AP5Z1: variants seen among roughly 807,000 people sequenced by gnomAD.
AP5Z1 encodes the protein AP-5 complex subunit zeta-1.
In AP5Z1, 106 loss-of-function variants were observed where a neutral mutation model predicts 83.0. The ratio of observed to expected loss-of-function variants is 1.28; its 90% CI spans 1.09 to 1.50. The LOEUF is 1.50. AP5Z1 is among the 40% of genes most tolerant of loss of function. The probability of loss-of-function intolerance (pLI) is 0.00; values close to 1 mark genes in which losing one functional copy is unlikely to be tolerated. For synonymous variants in AP5Z1, 751 were observed against 514.1 expected, an observed-to-expected ratio of 1.46 and a Z score of -6.23; for missense variants, 1,565 against 1,094.2, an observed-to-expected ratio of 1.43 and a Z score of -6.07.
chr7:4,776,792 A>AC (rs1352113817), intron 1 of AP5Z1, among the ~76,000 whole-genome samples: 1 of 152,048 alleles, frequency 6.6e-6, no homozygotes, highest in Non-Finnish European at 1.5e-5. Context: ...CCCTTGGTAA[A>AC]CGTAAACAAA....
chr7:4,780,138 C>T (rs1438827729), intron 1 of AP5Z1, among the ~76,000 whole-genome samples: 3 of 152,086 alleles, frequency 2.0e-5, no homozygotes, highest in Non-Finnish European at 4.4e-5. Context: ...AACCCCTTTG[C>T]GCATTATTGG....
intron 1 of AP5Z1, among the ~76,000 whole-genome samples, chr7:4,779,797 C>T (rs868184620): frequency 1.2e-4 from 18 of 151,162 alleles, no homozygotes; most frequent in African/African-American, 2.2e-4. Context: ...TGTGCCACCA[C>T]GCCCAGCTAT....
At chr7:4,788,985 A>C in intron 13 of AP5Z1, 34 bp downstream of exon 13, 2 of 1,580,242 alleles carry the variant, frequency 1.3e-6, no homozygotes, top group Non-Finnish European at 1.7e-6. Flanking sequence ...CCATTCCCAC[A>C]GGCCTCACAA....
chr7:4,787,408 C>T (rs531828609), intron 10 of AP5Z1, among the ~76,000 whole-genome samples: 2 of 152,088 alleles, frequency 1.3e-5, no homozygotes, highest in African/African-American at 4.8e-5. Context: ...ATCACTTGAG[C>T]CTGGGAGGTT....
chr7:4,790,007 C>CCCCCCCCT, intron 14 of AP5Z1, 78 bp downstream of exon 14: 1 of 1,142,444 alleles, frequency 8.8e-7, no homozygotes, highest in South Asian at 1.7e-5. Flanking sequence ...TCCCCCCTCC[C>CCCCCCCCT]CTTCAGTGGC....
chr7:4,791,072 G>C, intron 16 of AP5Z1, 43 bp from the exon 17 acceptor site: 1 of 1,525,720 alleles, frequency 6.6e-7, no homozygotes, highest in Non-Finnish European at 8.8e-7. Context: ...CCTGTCCTGG[G>C]AGGGGAGCAT....
At chr7:4,784,081 G>A in intron 5 of AP5Z1, 122 bp from the exon 6 acceptor site, 1 of 1,233,440 alleles carries the variant, frequency 8.1e-7, no homozygotes, top group Non-Finnish European at 1.1e-6. Context: ...ACACAGGGCG[G>A]GCCGCTGCCC....
Position 4,786,415 on chromosome 7 carries a change from C to T in AP5Z1, c.1298C>T (p.Pro433Leu), listed in dbSNP as rs768481273. 1.9e-6 allele frequency: 3 copies of T among 1,613,854 alleles called. No homozygotes were observed. Among genetic ancestry groups the T allele is most frequent in the Admixed American group, 1.7e-5 (1 of 60,022 alleles). ...GHLSTLRLSF[P>L]NLFKFLAWNS... ...CTCAGCACCCTCAGATTGAGCTTCCCCAACCTCTTTAAGGTATATTTGGGC... is the reference window on the plus strand; with the variant it reads ...CTCAGCACCCTCAGATTGAGCTTCCTCAACCTCTTTAAGGTATATTTGGGC... Residue 433 changes from proline (P) to leucine (L), a missense_variant, in exon 10 of 17, where the codon CCC becomes CTC. Coordinates refer to ENST00000649063, the MANE Select transcript of AP5Z1 (RefSeq NM_014855.3).
At position 4,784,193 on chromosome 7, in the gene AP5Z1, C is replaced by T. The variant is rs1368614242; in HGVS notation, c.622-10C>T. 6.3e-7 allele frequency: 1 copy of T among 1,583,480 alleles called. No individual in the cohort carries two copies. Among genetic ancestry groups the T allele is most frequent in the African/African-American group, 1.3e-5 (1 of 74,294 alleles). ...CCCCCTCCGCCCACTCCTGCCTGTCCTTCCCACAGCCGGGCCCCGTCACCG... is the reference window on the plus strand; with the variant it reads ...CCCCCTCCGCCCACTCCTGCCTGTCTTTCCCACAGCCGGGCCCCGTCACCG... On this transcript the variant is annotated splice_polypyrimidine_tract_variant and intron_variant, in intron 5 of 16. Transcript: ENST00000649063.
At chr7:4,778,222 C>G (rs186064772) in intron 1 of AP5Z1, among the ~76,000 whole-genome samples, 1 of 152,296 alleles carries the variant, frequency 6.6e-6, no homozygotes, top group East Asian at 1.9e-4. Context: ...GAGACCCTGT[C>G]TCCAAAGAAA....
chr7:4,775,862 C>T, intron 1 of AP5Z1, 106 bp downstream of exon 1: 1 of 1,460,250 alleles, frequency 6.8e-7, no homozygotes, highest in Non-Finnish European at 9.2e-7. Flanking sequence ...TTGCAGGAAC[C>T]CGACTGGACT....
intron 1 of AP5Z1, among the ~76,000 whole-genome samples, chr7:4,779,482 A>AT (rs146506607): frequency 4.7e-4 from 69 of 146,080 alleles, no homozygotes; most frequent in Admixed American, 1.6e-3. Flanking sequence ...ATATATATAT[A>AT]TTTTTTTTTG....
intron 1 of AP5Z1, 23 bp downstream of exon 1, chr7:4,775,779 G>A (rs778370233): frequency 1.5e-5 from 24 of 1,600,640 alleles, no homozygotes; most frequent in Non-Finnish European, 2.0e-5. Flanking sequence ...TGCGGCCCCG[G>A]CCCTCCTTCC....
chr7:4,791,066 T>A (rs1212678852), intron 16 of AP5Z1, 49 bp from the exon 17 acceptor site: 1 of 1,517,160 alleles, frequency 6.6e-7, no homozygotes, highest in African/African-American at 1.4e-5. Context: ...CAGACCCCTG[T>A]CCTGGGAGGG....
chr7:4,787,675 G>T lies in AP5Z1; in HGVS notation c.1353G>T (p.Val451=), dbSNP rs1328460796. Residue 451 remains valine (V), a synonymous_variant, in exon 11 of 17, where the codon GTG becomes GTT. Coordinates refer to ENST00000649063, the MANE Select transcript of AP5Z1 (RefSeq NM_014855.3). ...GCCCACCCCTCACCTCCGAGTTTGTGGCGCTCCTCCCGGCCCTGGTGGACG... is the reference window on the plus strand; with the variant it reads ...GCCCACCCCTCACCTCCGAGTTTGTTGCGCTCCTCCCGGCCCTGGTGGACG... ...WNSPPLTSEF[V]ALLPALVDAG... is the part of the protein sequence containing the mutation. The T allele has an allele frequency of 1.2e-5, 18 of 1,552,862 alleles. No homozygotes were observed. In the Admixed American group the frequency reaches 1.6e-4, roughly 13 times the overall value.
intron 1 of AP5Z1, among the ~76,000 whole-genome samples, chr7:4,776,056 G>A (rs1431128894): frequency 6.6e-6 from 1 of 152,198 alleles, no homozygotes. Context: ...AGAACTCCGC[G>A]TCTGGCAGGA....
intron 9 of AP5Z1, 117 bp downstream of exon 9, chr7:4,785,801 C>A (rs1226907033): frequency 5.4e-6 from 7 of 1,307,040 alleles, no homozygotes; most frequent in South Asian, 1.8e-5. Context: ...AGACAGGGGT[C>A]TTGCTGTGTT....
At position 4,785,470 on chromosome 7, in the gene AP5Z1, A is replaced by AGGGGAT. The variant is rs1562408169; in HGVS notation, c.969+22_969+27dup. ...AGAAAGCTGTAAGTGGCTGGGGACC[A>AGGGGAT]GGGGATGGGAGGCAGCGACTCGGCC... On this transcript the variant is annotated intron_variant, in intron 8 of 16. Transcript: ENST00000649063. 4 of 1,612,814 alleles carry AGGGGAT rather than the reference A, an allele frequency of 2.5e-6. No individual in the cohort carries two copies. The Admixed American group carries it at 6.7e-5, about 27-fold the overall frequency.
Position 4,792,155 on chromosome 7 carries a change from C to G in AP5Z1, c.*770C>G, listed in dbSNP as rs1166243320. The stretch of plus-strand genomic sequence containing the variant: ...AGGTGTCTGGGCGTGCGGCCCCAGC[C>G]CCGCCACCTTCCTGGGCCCTGTGGT... On this transcript the variant is annotated 3_prime_UTR_variant, in exon 17 of 17. Coordinates refer to ENST00000649063, the MANE Select transcript of AP5Z1 (RefSeq NM_014855.3). 2 of 152,230 alleles carry G rather than the reference C, an allele frequency of 1.3e-5. No individual in the cohort carries two copies. The highest frequency in any genetic ancestry group is 2.9e-5 in the Non-Finnish European group (2 of 68,090). 9.4% of individuals were successfully genotyped at this position (152,230 alleles called of 1,614,324 possible).
Sources: allele counts gnomAD v4.1 joint callset (sites outside exome capture counted in the v4.1 genomes callset), GRCh38; gene constraint gnomAD v4.1.1; transcripts MANE v1.5; gene names NCBI Gene and HGNC (gene_info 2026-07-23, HGNC 2026-07-21).